MGAT3: variants seen among roughly 807,000 people sequenced by gnomAD.
The protein encoded by MGAT3 is GlcNAc-T III.
Under a neutral mutation model 29.8 loss-of-function variants are expected in MGAT3, and 9 were observed. The observed-to-expected ratio is 0.30, with a 90% CI of 0.18 to 0.53. The LOEUF is 0.53. MGAT3 is among the 20% of genes least tolerant of loss of function. The pLI, the probability that MGAT3 is intolerant of heterozygous loss-of-function variation, is 0.96. For missense variants in MGAT3, 557 were observed against 769.5 expected (o/e 0.72, Z 3.27); for synonymous variants, 397 against 348.9 (o/e 1.14, Z -1.54).
chr22:39,467,733 T>C (rs563044594), intron 1 of MGAT3, among the ~76,000 whole-genome samples: 1 of 150,708 alleles, frequency 6.6e-6, no homozygotes, highest in African/African-American at 2.4e-5. Flanking sequence ...TTTTGTTTCG[T>C]TTCGTTTCGT....
chr22:39,478,234 G>A (rs145583760), intron 1 of MGAT3, among the ~76,000 whole-genome samples: 1 of 152,238 alleles, frequency 6.6e-6, no homozygotes, highest in African/African-American at 2.4e-5. Context: ...GGGGGCAGTG[G>A]ATGGGCTACT....
Position 39,489,023 on chromosome 22 carries a change from GC to G in MGAT3, c.*76del. ...CCCTAGCGCTATCTCCCTGCCTCCT[GC>G]CGGCTCCTTGGTTCTTGAGGGGACC... On this transcript the variant is annotated 3_prime_UTR_variant, in exon 2 of 2. Transcript: ENST00000341184. 4 of 1,464,112 alleles carry G rather than the reference GC, an allele frequency of 2.7e-6. No individual in the cohort carries two copies. The highest frequency in any genetic ancestry group is 3.6e-6 in the Non-Finnish European group (4 of 1,103,238). 90.7% of individuals were successfully genotyped at this position (1,464,112 alleles called of 1,614,324 possible). A position where few individuals can be genotyped will look rare whatever the true frequency, so the allele number is the denominator to read the frequency against.
rs1483661661 is a variant in MGAT3, at chr22:39,457,042, A to G, written c.-517A>G. Among the ~76,000 whole-genome samples, 3 of 149,606 alleles carry G rather than the reference A, an allele frequency of 2.0e-5. No individual in the cohort carries two copies. The highest frequency in any genetic ancestry group is 7.4e-5 in the African/African-American group (3 of 40,806). ...CACACACTCGCTCGCACACGCACAC[A>G]CTCGATCCAGCACGCGCGGGCGGCG... is the stretch of plus-strand genomic sequence containing the variant. On this transcript the variant is annotated 5_prime_UTR_variant, in exon 1 of 2. Transcript: ENST00000341184. This position sits in a 1 kb window ranked among gnomAD's most constrained non-coding sequence, Gnocchi z 6.8.
At position 39,487,237 on chromosome 22, in the gene MGAT3, C is replaced by T; in HGVS notation, c.-1-110C>T. On this transcript the variant is annotated intron_variant, in intron 1 of 1. Coordinates refer to ENST00000341184, the MANE Select transcript of MGAT3 (RefSeq NM_002409.5). The surrounding 1 kb of genome is among the most constrained non-coding windows in gnomAD (Gnocchi z 5.7). Reference sequence around the variant, plus strand: ...TCACTCCATGCAGGGGCAGCAGGTGCTGGCCACCACATTGTCCAGCAAGGT... The same window carrying T: ...TCACTCCATGCAGGGGCAGCAGGTGTTGGCCACCACATTGTCCAGCAAGGT... 1 of 1,171,290 alleles carries T rather than the reference C, an allele frequency of 8.5e-7. No homozygotes were observed. The highest frequency in any genetic ancestry group is 1.2e-6 in the Non-Finnish European group (1 of 830,388). 72.6% of individuals were successfully genotyped at this position (1,171,290 alleles called of 1,614,324 possible).
chr22:39,466,793 C>T (rs767279447), intron 1 of MGAT3, among the ~76,000 whole-genome samples: 2 of 152,240 alleles, frequency 1.3e-5, no homozygotes, highest in Admixed American at 6.5e-5. Context: ...TTCCCACTAT[C>T]CTCCTACACA....
At position 39,487,641 on chromosome 22, in the gene MGAT3, G is replaced by A; in HGVS notation, c.294G>A (p.Leu98=). 1 of 1,611,134 alleles carries A rather than the reference G, an allele frequency of 6.2e-7. No homozygotes were observed. Among genetic ancestry groups the A allele is most frequent in the Non-Finnish European group, 8.5e-7 (1 of 1,179,018 alleles). ...CCGAGGAGCTCCACCGGGTGGACTTGGTGCTGCCCGAGGACACCACCGAGT... is the reference window on the plus strand; with the variant it reads ...CCGAGGAGCTCCACCGGGTGGACTTAGTGCTGCCCGAGGACACCACCGAGT... The part of the protein sequence containing the change: ...KAAEELHRVD[L]VLPEDTTEYF... Residue 98 remains leucine, a synonymous_variant, in exon 2 of 2, where the codon TTG becomes TTA. Transcript: ENST00000341184. The surrounding 1 kb of genome is among the most constrained non-coding windows in gnomAD (Gnocchi z 5.7).
chr22:39,459,079 T>C (rs965569835), intron 1 of MGAT3, among the ~76,000 whole-genome samples: 49 of 10,772 alleles, frequency 4.5e-3, no homozygotes, highest in Non-Finnish European at 1.6e-3. Flanking sequence ...TTTCTTTTTT[T>C]TTTTTTTTTT....
intron 1 of MGAT3, among the ~76,000 whole-genome samples, chr22:39,473,040 A>G (rs975227442): frequency 2.6e-5 from 4 of 152,094 alleles, no homozygotes; most frequent in Non-Finnish European, 5.9e-5. Flanking sequence ...TGACTCACTG[A>G]ACTTCGGTTT....
intron 1 of MGAT3, among the ~76,000 whole-genome samples, chr22:39,463,493 A>C (rs1434224093): frequency 6.6e-6 from 1 of 152,140 alleles, no homozygotes; most frequent in Admixed American, 6.5e-5. Context: ...TCCTTCTGCC[A>C]CTGTCCTGGG....
chr22:39,487,977 C>T lies in MGAT3; in HGVS notation c.630C>T (p.Asn210=), dbSNP rs147431361. 3.3e-5 allele frequency: 53 copies of T among 1,612,732 alleles called. No individual in the cohort carries two copies. The East Asian group carries it at 1.0e-3, about 32-fold the overall frequency. The change falls in exon 2 of 2, where the codon AAC becomes AAT. Residue 210 remains asparagine, a synonymous_variant. Transcript: ENST00000341184. The surrounding 1 kb of genome is among the most constrained non-coding windows in gnomAD (Gnocchi z 5.7). ...VPREVPRRVI[N]AINVNHEFDL... is the part of the protein sequence containing the mutation. ...GGGAGGTGCCGCGCCGCGTCATCAACGCCATCAACGTCAACCACGAGTTCG... is the reference window on the plus strand; with the variant it reads ...GGGAGGTGCCGCGCCGCGTCATCAATGCCATCAACGTCAACCACGAGTTCG...
intron 1 of MGAT3, among the ~76,000 whole-genome samples, chr22:39,473,547 A>G (rs1013639281): frequency 6.6e-6 from 1 of 152,164 alleles, no homozygotes; most frequent in African/African-American, 2.4e-5. Flanking sequence ...CTGGGGATTA[A>G]ATTTCCTACA....
chr22:39,477,973 G>A (rs1929016078), intron 1 of MGAT3, among the ~76,000 whole-genome samples: 1 of 152,252 alleles, frequency 6.6e-6, no homozygotes, highest in Non-Finnish European at 1.5e-5. Flanking sequence ...CACAAGCAGT[G>A]TTCGGATCTG....
In MGAT3 at chr22:39,487,794, C is replaced by G. The variant is rs772663335; in HGVS notation, c.447C>G (p.Pro149=). ...GANGSSARRP[P]RYLLSARERT... is the part of the protein sequence containing the mutation. ...ACGGCTCCTCGGCCCGGCGGCCACC[C>G]CGGTACCTCCTGAGCGCCCGGGAGC... The change falls in exon 2 of 2, where the codon CCC becomes CCG. Residue 149 remains proline, a synonymous_variant. Transcript: ENST00000341184. This position sits in a 1 kb window ranked among gnomAD's most constrained non-coding sequence, Gnocchi z 5.7. The G allele has an allele frequency of 4.0e-6, 6 of 1,493,144 alleles. No individual in the cohort carries two copies. Among genetic ancestry groups the G allele is most frequent in the Non-Finnish European group, 8.9e-7 (1 of 1,124,066 alleles). The allele number at this position is 1,493,144 out of a possible 1,614,324, so 92.5% of individuals were successfully genotyped here.
At chr22:39,481,930 C>T (rs375407660) in intron 1 of MGAT3, among the ~76,000 whole-genome samples, 157 of 152,290 alleles carry the variant, frequency 1.0e-3, no homozygotes, top group African/African-American at 3.6e-3. Flanking sequence ...TTTACTGTTA[C>T]ACCTGATGGT....
intron 1 of MGAT3, among the ~76,000 whole-genome samples, chr22:39,462,615 G>C (rs1011000781): frequency 6.6e-6 from 1 of 152,180 alleles, no homozygotes; most frequent in Admixed American, 6.5e-5. Flanking sequence ...TTCGGGAAGG[G>C]GCGGAGCTGC....
In MGAT3 at chr22:39,487,867, C is replaced by A; in HGVS notation, c.520C>A (p.Leu174Met). 1 of 1,557,314 alleles carries A rather than the reference C, an allele frequency of 6.4e-7. No homozygotes were observed. The highest frequency in any genetic ancestry group is 1.8e-5 in the Admixed American group (1 of 54,398). ...GCGCAAGTGGGTGGAGTGCGTGTGC[C>A]TGCCCGGCTGGCACGGACCCAGCTG... is the stretch of plus-strand genomic sequence containing the variant. Reference protein sequence around the residue: ...ARRKWVECVCLPGWHGPSCGV... With the variant: ...ARRKWVECVCMPGWHGPSCGV... Residue 174 changes from leucine to methionine, a missense_variant, in exon 2 of 2, where the codon CTG (leucine) becomes ATG (methionine). Transcript: ENST00000341184. The surrounding 1 kb of genome is among the most constrained non-coding windows in gnomAD (Gnocchi z 5.7).
rs6001605 is a variant in MGAT3, at chr22:39,490,212, C to G, written c.*1263C>G. ...GGGTACACAGCGGCTGCTCCAGCGC[C>G]CACCCTCCTGTGTGCATCCAAGCCT... On this transcript the variant is annotated 3_prime_UTR_variant, in exon 2 of 2. Coordinates refer to ENST00000341184, the MANE Select transcript of MGAT3 (RefSeq NM_002409.5). 0.12 allele frequency: 20,050 copies of G among 167,068 alleles called. 1,305 individuals are homozygous for G. The highest frequency in any genetic ancestry group is 0.16 in the Admixed American group (2,377 of 15,288). The allele number at this position is 167,068 out of a possible 1,614,324, so 10.3% of individuals were successfully genotyped here. A position where few individuals can be genotyped will look rare whatever the true frequency, so the allele number is the denominator to read the frequency against.
intron 1 of MGAT3, among the ~76,000 whole-genome samples, chr22:39,482,753 G>T (rs765917457): frequency 8.5e-5 from 13 of 152,228 alleles, no homozygotes; most frequent in Non-Finnish European, 1.9e-4. Flanking sequence ...ACATGCTCTG[G>T]CTGACCACTG....
At chr22:39,482,929 C>T (rs898253817) in intron 1 of MGAT3, among the ~76,000 whole-genome samples, 1 of 152,216 alleles carries the variant, frequency 6.6e-6, no homozygotes, top group Non-Finnish European at 1.5e-5. Context: ...CTCAGAAGGG[C>T]ACAGCTGGCT....
Sources: gnomAD v4.1 joint callset for allele counts (sites outside exome capture counted in the v4.1 genomes callset) on GRCh38, gnomAD v4.1.1 for gene constraint, Gnocchi (gnomAD v3.1) non-coding constraint, MANE v1.5 for transcripts, NCBI Gene and HGNC (gene_info 2026-07-23, HGNC 2026-07-21) for gene names.